The following PDZRN4 variants were observed in gnomAD, a reference collection of about 807,000 sequenced individuals.
The protein encoded by PDZRN4 is PDZ domain containing ring finger 4, also known as PDZ domain-containing RING finger protein 4.
PDZRN4 carries 70 observed loss-of-function variants against 99.0 expected under a neutral mutation model. The ratio of observed to expected loss-of-function variants is 0.71; its 90% CI spans 0.58 to 0.86. The LOEUF (loss-of-function observed/expected upper bound fraction) is 0.86, where lower values mean the gene tolerates loss of function less well. PDZRN4 is among the 40% of genes least tolerant of loss of function. The pLI is 0.00. For synonymous variants in PDZRN4, 551 were observed against 501.6 expected (o/e 1.10, Z -1.32); for missense variants, 1,474 against 1,331.2 (o/e 1.11, Z -1.67).
rs183545245 is a variant in PDZRN4, at chr12:41,364,934, G to A, written c.844-141522G>A. Among the ~76,000 whole-genome samples the A allele has an allele frequency of 1.7e-3, 259 of 152,138 alleles. 1 individual carries two copies. Among genetic ancestry groups the A allele is most frequent in the African/African-American group, 5.6e-3 (234 of 41,512 alleles). ...CAGTGGGGAGAAAAAAATAAATCCT[G>A]GATGTTAACATGCATTTTCTCTGTT... is the stretch of plus-strand genomic sequence containing the variant. On this transcript the variant is annotated intron_variant, in intron 3 of 9. Coordinates refer to ENST00000402685, the MANE Select transcript of PDZRN4 (RefSeq NM_001164595.2).
chr12:41,248,681 C>T (rs1951149289), intron 3 of PDZRN4, among the ~76,000 whole-genome samples: 1 of 152,084 alleles, frequency 6.6e-6, no homozygotes, highest in African/African-American at 2.4e-5. Flanking sequence ...TAACATATTT[C>T]ATATATAGCA....
chr12:41,344,270 C>T (rs183678227), intron 3 of PDZRN4, among the ~76,000 whole-genome samples: 38 of 151,802 alleles, frequency 2.5e-4, no homozygotes, highest in African/African-American at 8.2e-4. Context: ...TTCATATTTC[C>T]TCTCAGCGCC....
intron 3 of PDZRN4, among the ~76,000 whole-genome samples, chr12:41,272,411 T>G (rs1004771490): frequency 1.3e-5 from 2 of 152,094 alleles, no homozygotes; most frequent in South Asian, 2.1e-4. Flanking sequence ...ACCAAATATA[T>G]TGATCCTAAA....
At chr12:41,554,725 A>C (rs992881722) in intron 6 of PDZRN4, among the ~76,000 whole-genome samples, 1 of 152,146 alleles carries the variant, frequency 6.6e-6, no homozygotes, top group Non-Finnish European at 1.5e-5. Flanking sequence ...TTAAATATCT[A>C]TACATTCTAA....
At chr12:41,392,845 C>T (rs11180883) in intron 3 of PDZRN4, among the ~76,000 whole-genome samples, 2,391 of 152,138 alleles carry the variant, frequency 0.016, 59 homozygotes, top group East Asian at 0.092. Context: ...GCAAAGTAGC[C>T]CAGATAGTGG....
rs762520488 is a variant in PDZRN4, at chr12:41,573,535, A to G, written c.2756A>G (p.Lys919Arg). ...CTGAAGGAACGTGCCTTAAAGATCA[A>G]GGAAGAGCGGAGTGGCATGACCACA... Reference protein sequence around the residue: ...RILKERALKIKEERSGMTTDD... With the variant: ...RILKERALKIREERSGMTTDD... The change falls in exon 10 of 10, where the codon AAG becomes AGG. Residue 919 changes from lysine (K) to arginine (R), a missense_variant. Physicochemically the swap from Lys to Arg is conservative, Grantham distance 26. Coordinates refer to ENST00000402685, the MANE Select transcript of PDZRN4 (RefSeq NM_001164595.2). The G allele has an allele frequency of 6.2e-7, 1 of 1,614,048 alleles. No individual in the cohort carries two copies. Among genetic ancestry groups the G allele is most frequent in the Admixed American group, 1.7e-5 (1 of 60,004 alleles).
intron 3 of PDZRN4, among the ~76,000 whole-genome samples, chr12:41,497,245 T>A (rs1037957043): frequency 6.6e-6 from 1 of 152,096 alleles, no homozygotes; most frequent in Non-Finnish European, 1.5e-5. Context: ...GTTGTTGATG[T>A]TGTTTGCAGG....
chr12:41,565,195 A>G (rs933680493), intron 8 of PDZRN4, among the ~76,000 whole-genome samples: 5 of 152,150 alleles, frequency 3.3e-5, no homozygotes, highest in African/African-American at 1.2e-4. Flanking sequence ...TGAATTTTCA[A>G]ATGAGACTTC....
In PDZRN4 at chr12:41,438,475, T is replaced by C. The variant is rs182293810; in HGVS notation, c.844-67981T>C. Among the ~76,000 whole-genome samples, 27 of 152,294 alleles carry C rather than the reference T, an allele frequency of 1.8e-4. No individual in the cohort carries two copies. The East Asian group carries it at 4.8e-3, about 27-fold the overall frequency. On this transcript the variant is annotated intron_variant, in intron 3 of 9. Transcript: ENST00000402685. ...AGGAAATTATTGGATGAATTGAGAA[T>C]TTGTGCTTTGGTTTAAGAGGAAGAC...
intron 3 of PDZRN4, among the ~76,000 whole-genome samples, chr12:41,483,988 A>G (rs1274411930): frequency 1.3e-5 from 2 of 152,126 alleles, no homozygotes; most frequent in African/African-American, 4.8e-5. Context: ...TTCCATTCTG[A>G]AAAAAATCAT....
chr12:41,211,129 T>C (rs578019834), intron 3 of PDZRN4, among the ~76,000 whole-genome samples: 1 of 152,114 alleles, frequency 6.6e-6, no homozygotes, highest in East Asian at 1.9e-4. Context: ...AGTTATTTCA[T>C]TGCCAATATT....
At chr12:41,224,147 G>T (rs1950977270) in intron 3 of PDZRN4, among the ~76,000 whole-genome samples, 1 of 152,208 alleles carries the variant, frequency 6.6e-6, no homozygotes, top group Non-Finnish European at 1.5e-5. Flanking sequence ...TTTTGTCCTG[G>T]AGCTGGGCTG....
intron 3 of PDZRN4, among the ~76,000 whole-genome samples, chr12:41,497,508 G>A (rs1938030662): frequency 6.6e-6 from 1 of 152,088 alleles, no homozygotes; most frequent in African/African-American, 2.4e-5. Context: ...GGAAGTAAAA[G>A]GTCAGTAAGT....
chr12:41,562,738 C>T (rs897797946), intron 7 of PDZRN4, among the ~76,000 whole-genome samples: 3 of 151,784 alleles, frequency 2.0e-5, no homozygotes, highest in African/African-American at 7.3e-5. Flanking sequence ...TTCTTTAGAA[C>T]TTAGAAAAAG....
intron 3 of PDZRN4, among the ~76,000 whole-genome samples, chr12:41,254,058 T>C (rs1351618994): frequency 6.8e-6 from 1 of 146,850 alleles, no homozygotes; most frequent in Non-Finnish European, 1.5e-5. Flanking sequence ...TGTGTGTGTT[T>C]GCGTGTGTGT....
chr12:41,456,019 T>C (rs1952814187), intron 3 of PDZRN4, among the ~76,000 whole-genome samples: 1 of 152,230 alleles, frequency 6.6e-6, no homozygotes, highest in Non-Finnish European at 1.5e-5. Context: ...CTTTCAGCAT[T>C]ATCTCTCCTT....
intron 3 of PDZRN4, among the ~76,000 whole-genome samples, chr12:41,430,117 G>C (rs1226529587): frequency 2.0e-5 from 3 of 152,200 alleles, no homozygotes; most frequent in Non-Finnish European, 2.9e-5. Context: ...TCTTGCTTCA[G>C]ATGCCATTAT....
At chr12:41,439,829 C>T (rs1952663272) in intron 3 of PDZRN4, among the ~76,000 whole-genome samples, 1 of 152,134 alleles carries the variant, frequency 6.6e-6, no homozygotes, top group African/African-American at 2.4e-5. Context: ...ATTAGATAAG[C>T]TAAAGCCCCA....
intron 3 of PDZRN4, among the ~76,000 whole-genome samples, chr12:41,399,603 G>T (rs1239420059): frequency 6.6e-6 from 1 of 151,974 alleles, no homozygotes; most frequent in Non-Finnish European, 1.5e-5. Context: ...AGGCATGGTG[G>T]TGGGTGCCTA....
Sources: gnomAD v4.1 joint callset for allele counts (sites outside exome capture counted in the v4.1 genomes callset) on GRCh38, gnomAD v4.1.1 for gene constraint, MANE v1.5 for transcripts, NCBI Gene and HGNC (gene_info 2026-07-23, HGNC 2026-07-21) for gene names.